Variants in PEBP1 observed in about 807,000 individuals in gnomAD.
PEBP1 encodes the protein phosphatidylethanolamine-binding protein 1.
Under a neutral mutation model 22.7 loss-of-function variants are expected in PEBP1, and 17 were observed. The observed-to-expected ratio is 0.75, with a 90% confidence interval of 0.51 to 1.12. The LOEUF is 1.12. PEBP1 is among the 50% of genes most tolerant of loss of function. PEBP1 has a pLI of 0.00. For missense variants in PEBP1, 205 were observed against 243.5 expected (o/e 0.84, Z 1.05); for synonymous variants, 106 against 104.3 (o/e 1.02, Z -0.10).
At chr12:118,143,958 T>C (rs1211229897) in intron 3 of PEBP1, among the ~76,000 whole-genome samples, 1 of 151,848 alleles carries the variant, frequency 6.6e-6, no homozygotes, top group East Asian at 1.9e-4. Flanking sequence ...ATGGTACCTA[T>C]TTGCATCCAG....
chr12:118,141,713 G>A (rs1205496779), intron 3 of PEBP1, among the ~76,000 whole-genome samples: 1 of 152,252 alleles, frequency 6.6e-6, no homozygotes, highest in East Asian at 1.9e-4. Flanking sequence ...TAGCCTGGGC[G>A]ATAGAGCAAG....
intron 3 of PEBP1, among the ~76,000 whole-genome samples, chr12:118,139,901 C>T (rs750306524): frequency 1.1e-4 from 17 of 152,088 alleles, no homozygotes; most frequent in African/African-American, 7.2e-5. Flanking sequence ...AGCCTTTGCC[C>T]GGGGTGATCT....
chr12:118,139,175 TGA>T (rs1436837009), intron 2 of PEBP1: 2 of 337,502 alleles, frequency 5.9e-6, no homozygotes, highest in African/African-American at 2.2e-5. Flanking sequence ...TAGCCAGGCA[TGA>T]TGGCAGGCGC....
In PEBP1 at chr12:118,136,241, C is replaced by G. The variant is rs985429773; in HGVS notation, c.32C>G (p.Pro11Arg). 2 of 1,547,142 alleles carry G rather than the reference C, an allele frequency of 1.3e-6. No homozygotes were observed. The highest frequency in any genetic ancestry group is 3.9e-5 in the Admixed American group (2 of 50,986). MPVDLSKWSG[P>R]LSLQEVDEQP... ...GTGGACCTCAGCAAGTGGTCCGGGC[C>G]CTTGAGCCTGCAAGAAGTGGACGAG... is the stretch of plus-strand genomic sequence containing the variant. Residue 11 changes from proline to arginine, a missense_variant, in exon 1 of 4, where the codon CCC (proline) becomes CGC (arginine). Physicochemically the swap from Pro to Arg is moderately radical, Grantham distance 103. Coordinates refer to ENST00000261313, the MANE Select transcript of PEBP1 (RefSeq NM_002567.4). This position sits in a 1 kb window ranked among gnomAD's most constrained non-coding sequence, Gnocchi z 5.6.
intron 2 of PEBP1, 51 bp from the exon 3 acceptor site, chr12:118,139,400 G>T (rs2034095426): frequency 7.8e-7 from 1 of 1,283,074 alleles, no homozygotes; most frequent in Non-Finnish European, 1.1e-6. Context: ...ACTGTGCAGT[G>T]AATGTTCCCT....
chr12:118,138,364 C>T (rs1170664749), intron 2 of PEBP1, among the ~76,000 whole-genome samples: 1 of 151,980 alleles, frequency 6.6e-6, no homozygotes, highest in Admixed American at 6.6e-5. Flanking sequence ...TTATACAGCC[C>T]CATGAGCTAA....
At position 118,136,807 on chromosome 12, in the gene PEBP1, G is replaced by C. The variant is rs776266643; in HGVS notation, c.135+463G>C. ...GCCTGTGACGCATTATGTAACTGGC[G>C]ATGAGCGCGCCGGCCGATTTCTCCT... On this transcript the variant is annotated intron_variant, in intron 1 of 3. Transcript: ENST00000261313. This position sits in a 1 kb window ranked among gnomAD's most constrained non-coding sequence, Gnocchi z 5.6. 2.0e-5 allele frequency among the ~76,000 whole-genome samples: 3 copies of C among 152,276 alleles called. No homozygotes were observed. The highest frequency in any genetic ancestry group is 3.9e-4 in the East Asian group (2 of 5,164).
rs187507642 is a variant in PEBP1 at position 118,140,511 on chromosome 12, T to C, written c.346+960T>C. 4.3e-3 allele frequency among the ~76,000 whole-genome samples: 662 copies of C among 152,224 alleles called. 5 individuals carry two copies. Among genetic ancestry groups the C allele is most frequent in the African/African-American group, 0.015 (616 of 41,536 alleles). ...ATTATGGGAAGCTTACCCATGAGAATAAGGCAATTCTCTCAAGTAAGAGCT... is the reference window on the plus strand; with the variant it reads ...ATTATGGGAAGCTTACCCATGAGAACAAGGCAATTCTCTCAAGTAAGAGCT... On this transcript the variant is annotated intron_variant, in intron 3 of 3. Transcript: ENST00000261313.
rs76695200 is a variant in PEBP1 at position 118,137,611 on chromosome 12, G to C, written c.136-428G>C. Among the ~76,000 whole-genome samples the C allele has an allele frequency of 7.6e-3, 1,160 of 152,288 alleles. 12 individuals are homozygous for C. The highest frequency in any genetic ancestry group is 0.027 in the African/African-American group (1,127 of 41,564). ...GCTCCTGGCTCTTACAGTCAATACA[G>C]GGTCATTGATTTTATTAAAAATCTA... On this transcript the variant is annotated intron_variant, in intron 1 of 3. Coordinates refer to ENST00000261313, the MANE Select transcript of PEBP1 (RefSeq NM_002567.4).
chr12:118,139,624 T>G, intron 3 of PEBP1, 73 bp downstream of exon 3: 1 of 913,182 alleles, frequency 1.1e-6, no homozygotes, highest in East Asian at 2.5e-5. Flanking sequence ...CCCAATGCTT[T>G]TCTTTTGAGA....
chr12:118,141,462 G>C (rs1009530226), intron 3 of PEBP1, among the ~76,000 whole-genome samples: 2 of 152,126 alleles, frequency 1.3e-5, no homozygotes, highest in African/African-American at 4.8e-5. Context: ...GACCAGGCAC[G>C]GTGGCTCACG....
chr12:118,142,069 G>A lies in PEBP1; in HGVS notation c.347-2517G>A, dbSNP rs1253931788. Among the ~76,000 whole-genome samples the A allele has an allele frequency of 2.6e-5, 4 of 151,562 alleles. No homozygotes were observed. The South Asian group carries it at 6.3e-4, about 24-fold the overall frequency. ...CAGGATGAACCCTGAGGAACATTAT[G>A]TTAGTGAAATGAGCCAGTCACACAA... On this transcript the variant is annotated intron_variant, in intron 3 of 3. Transcript: ENST00000261313.
intron 3 of PEBP1, among the ~76,000 whole-genome samples, chr12:118,142,923 C>T (rs1450501188): frequency 1.4e-5 from 2 of 145,688 alleles, no homozygotes; most frequent in Non-Finnish European, 3.0e-5. Context: ...CACTGCAGGG[C>T]TCAGCTCACC....
intron 3 of PEBP1, among the ~76,000 whole-genome samples, chr12:118,143,876 C>T (rs898868461): frequency 2.7e-5 from 4 of 147,998 alleles, no homozygotes; most frequent in South Asian, 2.1e-4. Flanking sequence ...CTGCACTCCA[C>T]GCCTAGGCAA....
intron 2 of PEBP1, chr12:118,139,246 A>C (rs1190839403): frequency 1.2e-5 from 5 of 423,144 alleles, no homozygotes; most frequent in Non-Finnish European, 2.2e-5. Flanking sequence ...CAGGAGGAGG[A>C]GCTTGCAGTG....
chr12:118,144,281 G>C (rs939502927), intron 3 of PEBP1, among the ~76,000 whole-genome samples: 1 of 152,160 alleles, frequency 6.6e-6, no homozygotes, highest in South Asian at 2.1e-4. Flanking sequence ...GGATAAGGGG[G>C]TGCAGAGGCC....
chr12:118,142,355 C>G (rs549873507), intron 3 of PEBP1, among the ~76,000 whole-genome samples: 1 of 151,606 alleles, frequency 6.6e-6, no homozygotes, highest in African/African-American at 2.4e-5. Flanking sequence ...TCACACCCGG[C>G]TAATTTTTTT....
rs2034095692 is a variant in PEBP1 at position 118,139,431 on chromosome 12, TC to T, written c.246-17del. On this transcript the variant is annotated intron_variant, in intron 2 of 3. Coordinates refer to ENST00000261313, the MANE Select transcript of PEBP1 (RefSeq NM_002567.4). ...TCCCTGATCTCCTGTGGTGCTGACA[TC>T]CCGTGTTTCTTCATGCAGAGAATGG... The T allele has an allele frequency of 6.4e-7, 1 of 1,565,090 alleles. No individual in the cohort carries two copies. The highest frequency in any genetic ancestry group is 1.4e-5 in the African/African-American group (1 of 73,764).
At chr12:118,142,844 T>C (rs1171336355) in intron 3 of PEBP1, among the ~76,000 whole-genome samples, 4 of 140,248 alleles carry the variant, frequency 2.9e-5, no homozygotes, top group Non-Finnish European at 6.1e-5. Context: ...TTTTTTTTTT[T>C]TTTTTTTTTT....
Sources: allele counts gnomAD v4.1 joint callset (sites outside exome capture counted in the v4.1 genomes callset), GRCh38; gene constraint gnomAD v4.1.1; non-coding constraint Gnocchi (gnomAD v3.1); transcripts MANE v1.5; gene names NCBI Gene and HGNC (gene_info 2026-07-23, HGNC 2026-07-21).